SLC25A32: variants seen among roughly 807,000 people sequenced by gnomAD.
SLC25A32 encodes solute carrier family 25 member 32.
Under a neutral mutation model 39.0 loss-of-function variants are expected in SLC25A32, and 32 were observed. The ratio of observed to expected loss-of-function variants is 0.82; its 90% CI spans 0.62 to 1.10. SLC25A32 has a LOEUF of 1.10. Among genes scored for constraint, SLC25A32 ranks in the 50% least tolerant of loss-of-function variants. The pLI is 0.00. For missense variants in SLC25A32, 367 were observed against 395.3 expected (o/e 0.93, Z 0.61); for synonymous variants, 166 against 152.4 (o/e 1.09, Z -0.66).
Position 103,403,181 on chromosome 8 carries a change from C to A in SLC25A32, c.535G>T (p.Val179Leu). 1 of 1,602,826 alleles carries A rather than the reference C, an allele frequency of 6.2e-7. No individual in the cohort carries two copies. The highest frequency in any genetic ancestry group is 1.1e-5 in the South Asian group (1 of 89,264). ...TTTGTTACCTTATATAATCCACGCACACCTTCATACTTATATATTTTCACA... is the reference window on the plus strand; with the variant it reads ...TTTGTTACCTTATATAATCCACGCAAACCTTCATACTTATATATTTTCACA... The part of the protein sequence containing the change: ...TLVKIYKYEG[V>L]RGLYKGFVPG... Residue 179 changes from valine (V) to leucine (L), a missense_variant, in exon 4 of 7, where the codon GTG becomes TTG. By Grantham distance (32) the Val-to-Leu change is conservative (BLOSUM62 1). Coordinates refer to ENST00000297578, the MANE Select transcript of SLC25A32 (RefSeq NM_030780.5).
intron 1 of SLC25A32, among the ~76,000 whole-genome samples, chr8:103,414,468 G>A (rs1207991646): frequency 6.6e-6 from 1 of 152,202 alleles, no homozygotes; most frequent in African/African-American, 2.4e-5. Flanking sequence ...CACGTGTGAG[G>A]ACTAAACCTT....
At chr8:103,410,368 C>T (rs532501187) in intron 1 of SLC25A32, among the ~76,000 whole-genome samples, 2 of 152,206 alleles carry the variant, frequency 1.3e-5, no homozygotes, top group Admixed American at 1.3e-4. Flanking sequence ...TCTGTACTTA[C>T]AGCTGCTCCC....
chr8:103,411,081 TATAA>T (rs1028145756), intron 1 of SLC25A32, among the ~76,000 whole-genome samples: 75 of 152,268 alleles, frequency 4.9e-4, no homozygotes, highest in African/African-American at 1.8e-3. Context: ...TGAAAACAAA[TATAA>T]ATGACATTAC....
rs962094203 is a variant in SLC25A32 at position 103,398,748 on chromosome 8, C to T, written c.*1663G>A. 3 of 152,074 alleles carry T rather than the reference C, an allele frequency of 2.0e-5. No individual in the cohort carries two copies. The highest frequency in any genetic ancestry group is 7.2e-5 in the African/African-American group (3 of 41,416). The allele number at this position is 152,074 out of a possible 1,614,324, so 9.4% of individuals were successfully genotyped here. On this transcript the variant is annotated 3_prime_UTR_variant, in exon 7 of 7. Coordinates refer to ENST00000297578, the MANE Select transcript of SLC25A32 (RefSeq NM_030780.5). ...AATATCAACTGCAGTTCACTTTTTCCGTGTGGGGACTAATATCAAGATTTC... is the reference window on the plus strand; with the variant it reads ...AATATCAACTGCAGTTCACTTTTTCTGTGTGGGGACTAATATCAAGATTTC...
Position 103,407,775 on chromosome 8 carries a change from C to T in SLC25A32, c.164G>A (p.Gly55Glu). 1 of 1,612,884 alleles carries T rather than the reference C, an allele frequency of 6.2e-7. No individual in the cohort carries two copies. Among genetic ancestry groups the T allele is most frequent in the East Asian group, 2.2e-5 (1 of 44,802 alleles). ...ATTATATTTCGGTCTCAGTTCCAAT[C>T]CATCACTCACTGCATCAAGGGATAC... is the stretch of plus-strand genomic sequence containing the variant. ...LVKIRFAVSD[G>E]LELRPKYNGI... The change falls in exon 2 of 7, where the codon GGA (glycine) becomes GAA (glutamate). Residue 55 changes from glycine (G) to glutamate (E), a missense_variant. Transcript: ENST00000297578.
At chr8:103,409,844 C>T (rs1310405796) in intron 1 of SLC25A32, among the ~76,000 whole-genome samples, 1 of 152,192 alleles carries the variant, frequency 6.6e-6, no homozygotes, top group Non-Finnish European at 1.5e-5. Context: ...CTCCCTAATT[C>T]GCTACATGGT....
intron 2 of SLC25A32, 92 bp from the exon 3 acceptor site, chr8:103,404,953 C>A (rs1816297821): frequency 1.3e-6 from 1 of 785,352 alleles, no homozygotes; most frequent in African/African-American, 1.8e-5. Context: ...ACCCCAAAAG[C>A]ACAAGTCAAT....
intron 5 of SLC25A32, 132 bp from the exon 6 acceptor site, chr8:103,401,793 G>C: frequency 1.0e-6 from 1 of 976,876 alleles, no homozygotes; most frequent in East Asian, 2.7e-5. Context: ...TGTGGCTTCA[G>C]CCTATAAATA....
chr8:103,414,711 C>G (rs1408294708), intron 1 of SLC25A32, 73 bp downstream of exon 1: 3 of 1,592,582 alleles, frequency 1.9e-6, no homozygotes, highest in Non-Finnish European at 2.6e-6. Context: ...CCCCCTAGAA[C>G]GGAAAAGACG....
rs778879763 is a variant in SLC25A32 at position 103,402,018 on chromosome 8, C to T, written c.589G>A (p.Ala197Thr). Residue 197 changes from alanine (A) to threonine (T), a missense_variant, in exon 5 of 7, where the codon GCC (alanine) becomes ACC (threonine). Physicochemically the swap from Ala to Thr is moderately conservative, Grantham distance 58. Coordinates refer to ENST00000297578, the MANE Select transcript of SLC25A32 (RefSeq NM_030780.5). ...AATTCATATGCCATAAACTGAAGGG[C>T]ACCATGCGATGTTCCAAACAGCCCA... ...VPGLFGTSHG[A>T]LQFMAYELLK... 4 of 1,612,980 alleles carry T rather than the reference C, an allele frequency of 2.5e-6. No homozygotes were observed. In the South Asian group the frequency reaches 4.4e-5, roughly 18 times the overall value.
chr8:103,404,590 C>T (rs187768513), intron 3 of SLC25A32, among the ~76,000 whole-genome samples, 186 bp downstream of exon 3: 4 of 150,292 alleles, frequency 2.7e-5, no homozygotes, highest in East Asian at 4.0e-4. Flanking sequence ...AGCGAAACTC[C>T]GCCTCAAAAA....
At chr8:103,402,875 G>A (rs1488071223) in intron 4 of SLC25A32, among the ~76,000 whole-genome samples, 1 of 152,182 alleles carries the variant, frequency 6.6e-6, no homozygotes, top group African/African-American at 2.4e-5. Context: ...AAGGAATGGA[G>A]TAAGGAATAA....
Position 103,401,610 on chromosome 8 carries a change from C to T in SLC25A32, c.718G>A (p.Ala240Thr), listed in dbSNP as rs748296598. 1.3e-5 allele frequency: 21 copies of T among 1,613,082 alleles called. No individual in the cohort carries two copies. In the Admixed American group the frequency reaches 1.5e-4, roughly 12 times the overall value. The change falls in exon 6 of 7, where the codon GCA (alanine) becomes ACA (threonine). Residue 240 changes from alanine (A) to threonine (T), a missense_variant. Transcript: ENST00000297578. Reference sequence around the variant, plus strand: ...ACGACTTGATATGGGTATGTTGCTGCGACAGCAAATATTTTGGATAGTGCT... The same window carrying T: ...ACGACTTGATATGGGTATGTTGCTGTGACAGCAAATATTTTGGATAGTGCT... Reference protein sequence around the residue: ...VAALSKIFAVAATYPYQVVRA... With the variant: ...VAALSKIFAVTATYPYQVVRA...
intron 1 of SLC25A32, among the ~76,000 whole-genome samples, chr8:103,410,085 C>G (rs1026493868): frequency 6.6e-6 from 1 of 152,138 alleles, no homozygotes; most frequent in African/African-American, 2.4e-5. Flanking sequence ...TTTCCATTTT[C>G]CTCTCAATAA....
chr8:103,404,128 TAAAC>T (rs1816276843), intron 3 of SLC25A32, among the ~76,000 whole-genome samples: 1 of 152,220 alleles, frequency 6.6e-6, no homozygotes, highest in Non-Finnish European at 1.5e-5. Flanking sequence ...GTGAGGCGAT[TAAAC>T]AAGGCTACTA....
At chr8:103,407,502 C>T in intron 2 of SLC25A32, 132 bp downstream of exon 2, 1 of 687,194 alleles carries the variant, frequency 1.5e-6, no homozygotes, top group East Asian at 3.0e-5. Context: ...CCATTTTGTT[C>T]TTCCTGATCC....
rs897222821 is a variant in SLC25A32, at chr8:103,401,369, A to G, written c.812+147T>C. Reference sequence around the variant, plus strand: ...TCAGAGAGATTAAGGCCATGGTCACATACGTAATAACTGGGAAAGCAGGGA... The same window carrying G: ...TCAGAGAGATTAAGGCCATGGTCACGTACGTAATAACTGGGAAAGCAGGGA... On this transcript the variant is annotated intron_variant, in intron 6 of 6. Coordinates refer to ENST00000297578, the MANE Select transcript of SLC25A32 (RefSeq NM_030780.5). 25 of 616,842 alleles carry G rather than the reference A, an allele frequency of 4.1e-5. 2 individuals carry two copies. The highest frequency in any genetic ancestry group is 2.1e-4 in the Admixed American group (7 of 32,714). The allele number at this position is 616,842 out of a possible 1,614,324, so 38.2% of individuals were successfully genotyped here.
intron 6 of SLC25A32, among the ~76,000 whole-genome samples, chr8:103,401,289 C>T (rs1816212725): frequency 1.4e-5 from 2 of 147,180 alleles, no homozygotes; most frequent in South Asian, 4.3e-4. Flanking sequence ...TAATTTGATT[C>T]TTATAACAAC....
At position 103,403,203 on chromosome 8, in the gene SLC25A32, C is replaced by G. The variant is rs776062757; in HGVS notation, c.513G>C (p.Val171=). The G allele has an allele frequency of 2.5e-6, 4 of 1,611,044 alleles. No individual in the cohort carries two copies. In the Admixed American group the frequency reaches 6.7e-5, roughly 27 times the overall value. ...RQYKGMFDTL[V]KIYKYEGVRG... ...GCACACCTTCATACTTATATATTTT[C>G]ACAAGTGTATCAAACATTCCTTTAT... Residue 171 remains valine (V), a synonymous_variant, in exon 4 of 7, where the codon GTG becomes GTC. Transcript: ENST00000297578.
Sources: allele counts gnomAD v4.1 joint callset (sites outside exome capture counted in the v4.1 genomes callset), GRCh38; gene constraint gnomAD v4.1.1; transcripts MANE v1.5; gene names NCBI Gene and HGNC (gene_info 2026-07-23, HGNC 2026-07-21).